PTPRM: variants seen among roughly 807,000 people sequenced by gnomAD.
PTPRM encodes protein tyrosine phosphatase receptor type M.
PTPRM carries 47 observed loss-of-function variants against 186.7 expected under a neutral mutation model. The observed-to-expected ratio is 0.25, with a 90% CI of 0.20 to 0.32. The LOEUF is 0.32. Ranked by LOEUF, PTPRM falls within the 10% of genes least tolerant of loss-of-function variation. PTPRM has a pLI of 1.00. For missense variants in PTPRM, 1,494 were observed against 1,865.0 expected (o/e 0.80, Z 3.66); for synonymous variants, 668 against 674.9 (o/e 0.99, Z 0.16).
chr18:7,952,582 G>T (rs1425035980), intron 6 of PTPRM, among the ~76,000 whole-genome samples: 1 of 151,904 alleles, frequency 6.6e-6, no homozygotes, highest in African/African-American at 2.4e-5. Context: ...TGTAGTCCCA[G>T]CTACTCGGAA....
intron 1 of PTPRM, among the ~76,000 whole-genome samples, chr18:7,731,998 A>T (rs1281897984): frequency 6.6e-6 from 1 of 152,222 alleles, no homozygotes; most frequent in Non-Finnish European, 1.5e-5. Flanking sequence ...AAAATTCAAT[A>T]AGAAAACATT....
At chr18:8,188,446 T>A (rs898188117) in intron 14 of PTPRM, among the ~76,000 whole-genome samples, 4 of 152,226 alleles carry the variant, frequency 2.6e-5, no homozygotes, top group Admixed American at 2.0e-4. Flanking sequence ...ACTGAACACT[T>A]CCTGTATGTA....
At chr18:7,733,180 T>C (rs949382026) in intron 1 of PTPRM, among the ~76,000 whole-genome samples, 1 of 152,144 alleles carries the variant, frequency 6.6e-6, no homozygotes, top group African/African-American at 2.4e-5. Context: ...CAACCCATCA[T>C]CTAGGTTTTA....
intron 7 of PTPRM, among the ~76,000 whole-genome samples, chr18:8,043,456 G>T (rs1365663751): frequency 6.6e-6 from 1 of 152,006 alleles, no homozygotes; most frequent in East Asian, 1.9e-4. Flanking sequence ...TCAATTATTT[G>T]GTCCTATGGT....
At chr18:7,920,429 A>G (rs1025535817) in intron 4 of PTPRM, among the ~76,000 whole-genome samples, 4 of 152,192 alleles carry the variant, frequency 2.6e-5, no homozygotes, top group African/African-American at 7.2e-5. Flanking sequence ...AGAGATGACA[A>G]CTTATCTTTG....
rs145667067 is a variant in PTPRM, at chr18:8,123,500, T to C, written c.2167+8673T>C. ...AGAAATGTAAAATAATTCTATTTCC[T>C]TCTCCACTGGAATTCTGTACATATT... On this transcript the variant is annotated intron_variant, in intron 13 of 32. Coordinates refer to ENST00000580170, the MANE Select transcript of PTPRM (RefSeq NM_001105244.2). Among the ~76,000 whole-genome samples the C allele has an allele frequency of 2.2e-4, 33 of 152,348 alleles. No homozygotes were observed. In the East Asian group the frequency reaches 6.0e-3, roughly 28 times the overall value.
At chr18:8,386,219 G>A (rs2095772065) in intron 30 of PTPRM, among the ~76,000 whole-genome samples, 1 of 152,048 alleles carries the variant, frequency 6.6e-6, no homozygotes, top group African/African-American at 2.4e-5. Context: ...AAGAGAGAGG[G>A]CTGAACCAGA....
chr18:8,394,784 CT>C (rs1204020422), intron 32 of PTPRM, among the ~76,000 whole-genome samples, 173 bp downstream of exon 32: 2 of 152,154 alleles, frequency 1.3e-5, no homozygotes, highest in Admixed American at 1.3e-4. Context: ...CTCCCTCTTC[CT>C]CTCTTTGTTC....
intron 14 of PTPRM, among the ~76,000 whole-genome samples, chr18:8,198,415 C>T (rs1323380311): frequency 1.3e-5 from 2 of 152,204 alleles, no homozygotes. Flanking sequence ...TGCCAAAGTG[C>T]TGTGATTACA....
chr18:7,690,894 A>G (rs1032611266), intron 1 of PTPRM, among the ~76,000 whole-genome samples: 1 of 152,184 alleles, frequency 6.6e-6, no homozygotes, highest in Non-Finnish European at 1.5e-5. Flanking sequence ...TGATTCAAAG[A>G]TAAATTAAGT....
In PTPRM at chr18:7,776,401, T is replaced by G. The variant is rs1037798851; in HGVS notation, c.196+2130T>G. Among the ~76,000 whole-genome samples the G allele has an allele frequency of 2.2e-4, 33 of 152,332 alleles. 1 individual carries two copies. Among genetic ancestry groups the G allele is most frequent in the African/African-American group, 7.5e-4 (31 of 41,584 alleles). The stretch of plus-strand genomic sequence containing the variant: ...CTGGCAGTTCCCCCACCTCTCTGGC[T>G]GTGCTTATGTGCATGGGTGCAGCTC... On this transcript the variant is annotated intron_variant, in intron 2 of 32. Coordinates refer to ENST00000580170, the MANE Select transcript of PTPRM (RefSeq NM_001105244.2).
intron 1 of PTPRM, among the ~76,000 whole-genome samples, chr18:7,686,019 T>C (rs1350975035): frequency 6.6e-6 from 1 of 152,106 alleles, no homozygotes; most frequent in East Asian, 1.9e-4. Flanking sequence ...AGAATAAAGA[T>C]TGAGAGAGAT....
intron 1 of PTPRM, among the ~76,000 whole-genome samples, chr18:7,644,715 G>A (rs1010139590): frequency 4.6e-5 from 7 of 152,078 alleles, no homozygotes; most frequent in African/African-American, 1.7e-4. Context: ...ATAAGTAGAG[G>A]AAATCTAAGT....
chr18:7,790,640 T>G (rs1169394054), intron 2 of PTPRM, among the ~76,000 whole-genome samples: 1 of 152,236 alleles, frequency 6.6e-6, no homozygotes, highest in Non-Finnish European at 1.5e-5. Context: ...CTCTAAGACT[T>G]ATCTTTGACA....
intron 1 of PTPRM, among the ~76,000 whole-genome samples, chr18:7,619,346 A>G (rs920559702): frequency 6.6e-6 from 1 of 152,216 alleles, no homozygotes; most frequent in Admixed American, 6.5e-5. Flanking sequence ...TTTCTAAGAA[A>G]GAAAGAACTT....
At chr18:8,370,135 G>A (rs2095655134) in intron 23 of PTPRM, among the ~76,000 whole-genome samples, 1 of 148,220 alleles carries the variant, frequency 6.7e-6, no homozygotes, top group South Asian at 2.1e-4. Context: ...ACGTGTTCCT[G>A]CCCAGCCTCT....
chr18:7,632,845 C>G (rs2038223958), intron 1 of PTPRM, among the ~76,000 whole-genome samples: 1 of 152,160 alleles, frequency 6.6e-6, no homozygotes, highest in African/African-American at 2.4e-5. Context: ...ATGAAAATGT[C>G]TAAAAAAATT....
At chr18:7,614,005 G>A (rs2037742931) in intron 1 of PTPRM, among the ~76,000 whole-genome samples, 1 of 152,130 alleles carries the variant, frequency 6.6e-6, no homozygotes, top group African/African-American at 2.4e-5. Context: ...TGACTTAGTG[G>A]GGGGATTGCT....
At chr18:7,932,895 A>G (rs1289135912) in intron 5 of PTPRM, among the ~76,000 whole-genome samples, 2 of 152,206 alleles carry the variant, frequency 1.3e-5, no homozygotes, top group African/African-American at 4.8e-5. Context: ...TTCACGTTCC[A>G]TGGTTTCTGT....
Sources: gnomAD v4.1 joint callset for allele counts (sites outside exome capture counted in the v4.1 genomes callset) on GRCh38, gnomAD v4.1.1 for gene constraint, MANE v1.5 for transcripts, NCBI Gene and HGNC (gene_info 2026-07-23, HGNC 2026-07-21) for gene names.